The following MAP3K19 variants were observed in gnomAD, a reference collection of about 807,000 sequenced individuals.
The protein encoded by MAP3K19 is SPS1/STE20-related protein kinase YSK4.
In MAP3K19, 91 loss-of-function variants were observed where a neutral mutation model predicts 114.4. The observed-to-expected ratio is 0.80, with a 90% CI of 0.67 to 0.95. The LOEUF is 0.95. MAP3K19 is among the 40% of genes least tolerant of loss of function. MAP3K19 has a pLI of 0.00. For missense variants in MAP3K19, 1,471 were observed against 1,573.2 expected, an observed-to-expected ratio of 0.94 and a Z score of 1.10; for synonymous variants, 518 against 530.5, an observed-to-expected ratio of 0.98 and a Z score of 0.32.
In MAP3K19 at chr2:134,987,759, CTTTCTTGATGAAAGA is replaced by C; in HGVS notation, c.1098_1112del (p.Tyr366_Lys371delinsTer). 1 of 1,608,746 alleles carries C rather than the reference CTTTCTTGATGAAAGA, an allele frequency of 6.2e-7. No homozygotes were observed. The highest frequency in any genetic ancestry group is 8.5e-7 in the Non-Finnish European group (1 of 1,179,974). The stretch of plus-strand genomic sequence containing the variant: ...AGTTTTTGGCTACTGAACTCTCATT[CTTTCTTGATGAAAGA>C]TATTGAGAGTTCTCTTCTTCAGGTT... On this transcript the variant is annotated stop_gained and inframe_deletion, in exon 10 of 13. Coordinates refer to ENST00000392915, the MANE Select transcript of MAP3K19 (RefSeq NM_025052.5). LOFTEE classifies it high-confidence loss of function.
At chr2:135,024,916 T>A (rs1378511869) in intron 3 of MAP3K19, among the ~76,000 whole-genome samples, 175 bp from the exon 4 acceptor site, 1 of 152,210 alleles carries the variant, frequency 6.6e-6, no homozygotes, top group Non-Finnish European at 1.5e-5. Flanking sequence ...TTACAAGATT[T>A]TAAATAAAAG....
chr2:134,977,049 A>G (rs1684286851), intron 12 of MAP3K19, among the ~76,000 whole-genome samples: 1 of 144,102 alleles, frequency 6.9e-6, no homozygotes, highest in Non-Finnish European at 1.5e-5. Context: ...CCGTCTCGGA[A>G]AAAAAAAAAA....
At chr2:135,010,611 A>G (rs1687152042) in intron 5 of MAP3K19, among the ~76,000 whole-genome samples, 1 of 152,158 alleles carries the variant, frequency 6.6e-6, no homozygotes, top group Admixed American at 6.5e-5. Context: ...TGGAAATCAG[A>G]CGTGATTAAA....
chr2:134,967,404 A>AG (rs1351785208), intron 12 of MAP3K19, among the ~76,000 whole-genome samples: 1 of 152,232 alleles, frequency 6.6e-6, no homozygotes, highest in Non-Finnish European at 1.5e-5. Flanking sequence ...AGAGAGAGGA[A>AG]GGCCGCTGCA....
intron 5 of MAP3K19, among the ~76,000 whole-genome samples, chr2:135,006,203 T>G (rs1686798044): frequency 6.6e-6 from 1 of 152,264 alleles, no homozygotes; most frequent in African/African-American, 2.4e-5. Context: ...ATAGTTTCCT[T>G]CATTCGAAGT....
intron 9 of MAP3K19, among the ~76,000 whole-genome samples, chr2:134,989,824 G>A (rs1387840591): frequency 6.6e-6 from 1 of 152,110 alleles, no homozygotes; most frequent in East Asian, 1.9e-4. Context: ...GCTCACACCT[G>A]TAATCCCAGC....
At position 134,999,342 on chromosome 2, in the gene MAP3K19, T is replaced by C. The variant is rs539268530; in HGVS notation, c.315-345A>G. 6.6e-6 allele frequency among the ~76,000 whole-genome samples: 1 copy of C among 152,354 alleles called. No individual in the cohort carries two copies. The highest frequency in any genetic ancestry group is 2.1e-4 in the South Asian group (1 of 4,830). ...GACTAGCCCAGTGTTTCTCAAACTA[T>C]TTTTGATGAAGAACCAGCATTTAAA... On this transcript the variant is annotated intron_variant, in intron 7 of 12. Coordinates refer to ENST00000392915, the MANE Select transcript of MAP3K19 (RefSeq NM_025052.5). The surrounding 1 kb of genome is among the most constrained non-coding windows in gnomAD (Gnocchi z 4.1).
At chr2:135,023,616 T>C in intron 4 of MAP3K19, 1 of 494,448 alleles carries the variant, frequency 2.0e-6, no homozygotes. Flanking sequence ...GTTGTCTCTG[T>C]GTCTCCGCTG....
intron 3 of MAP3K19, among the ~76,000 whole-genome samples, chr2:135,027,328 A>G (rs1688278666): frequency 7.7e-6 from 1 of 129,244 alleles, no homozygotes. Context: ...AGACAGAGAA[A>G]TAAAGAAAGA....
chr2:135,042,761 T>C (rs1472909675), intron 1 of MAP3K19, among the ~76,000 whole-genome samples: 1 of 151,596 alleles, frequency 6.6e-6, no homozygotes, highest in South Asian at 2.1e-4. Flanking sequence ...AAGATTATTA[T>C]GATGCAGAGG....
In MAP3K19 at chr2:134,997,820, A is replaced by AAAAAAACAAAAAAAAC. The variant is rs1553542177; in HGVS notation, c.574+917_574+918insGTTTTTTTTGTTTTTT. Among the ~76,000 whole-genome samples the AAAAAAACAAAAAAAAC allele has an allele frequency of 1.2e-4, 18 of 148,492 alleles. 1 individual carries two copies. In the East Asian group the frequency reaches 4.1e-3, roughly 34 times the overall value. On this transcript the variant is annotated intron_variant, in intron 8 of 12. Transcript: ENST00000392915. The stretch of plus-strand genomic sequence containing the variant: ...GTGACAGAGCGAGACTCCGTCTCAA[A>AAAAAAACAAAAAAAAC]AAAAAAAAAACTTTAAGCACTGCTT...
In MAP3K19 at chr2:134,964,873, A is replaced by C; in HGVS notation, c.3964T>G (p.Ser1322Ala). ...ATTCAGTGACTTCTCTCCAAGAAGG[A>C]GTGCTTCAGGAGCTGGAGAGCAGAA... ...RPSALQLLKHSFLERSH is the reference protein window; with the variant it reads ...RPSALQLLKHAFLERSH Residue 1322 changes from serine (S) to alanine (A), a missense_variant, in exon 13 of 13, where the codon TCC becomes GCC. Transcript: ENST00000392915. 2 of 1,613,278 alleles carry C rather than the reference A, an allele frequency of 1.2e-6. No homozygotes were observed. Among genetic ancestry groups the C allele is most frequent in the Non-Finnish European group, 1.7e-6 (2 of 1,179,454 alleles).
Position 134,981,446 on chromosome 2 carries a change from A to AT in MAP3K19, c.3294dup (p.Leu1099IlefsTer4), listed in dbSNP as rs1559143893. 6.2e-7 allele frequency: 1 copy of AT among 1,614,166 alleles called. No individual in the cohort carries two copies. The highest frequency in any genetic ancestry group is 1.7e-5 in the Admixed American group (1 of 60,018). ...TTCCGGTATTCCTTTTCAGCAGCTA[A>AT]TTTATTAGAGGTATCCAAAGCCACC... On this transcript the variant is annotated frameshift_variant, in exon 12 of 13. Transcript: ENST00000392915. LOFTEE classifies it high-confidence loss of function.
At chr2:135,044,127 C>A (rs1688695150) in intron 1 of MAP3K19, among the ~76,000 whole-genome samples, 1 of 152,256 alleles carries the variant, frequency 6.6e-6, no homozygotes, top group African/African-American at 2.4e-5. Context: ...ATGCTTGCTA[C>A]GTGTCATATG....
rs759961297 is a variant in MAP3K19, at chr2:134,980,867, G to A, written c.3874C>T (p.His1292Tyr). 1.9e-6 allele frequency: 3 copies of A among 1,614,174 alleles called. No individual in the cohort carries two copies. The highest frequency in any genetic ancestry group is 2.5e-6 in the Non-Finnish European group (3 of 1,180,020). ...HRGLMPPLPDHFSENAADFVR... is the reference protein window; with the variant it reads ...HRGLMPPLPDYFSENAADFVR... Reference sequence around the variant, plus strand: ...AAGTCTGCTGCATTTTCTGAGAAGTGGTCTGGTAAAGGAGGCATCAGCCCT... The same window carrying A: ...AAGTCTGCTGCATTTTCTGAGAAGTAGTCTGGTAAAGGAGGCATCAGCCCT... The change falls in exon 12 of 13, where the codon CAC becomes TAC. Residue 1292 changes from histidine (H) to tyrosine (Y), a missense_variant. Coordinates refer to ENST00000392915, the MANE Select transcript of MAP3K19 (RefSeq NM_025052.5).
intron 12 of MAP3K19, among the ~76,000 whole-genome samples, chr2:134,978,063 T>A (rs1367798924): frequency 6.6e-5 from 10 of 152,172 alleles, no homozygotes; most frequent in Admixed American, 5.2e-4. Flanking sequence ...CTTCCTCCCT[T>A]CCCTTCTCCA....
chr2:135,002,479 A>G (rs950531713), intron 6 of MAP3K19, among the ~76,000 whole-genome samples: 3 of 152,040 alleles, frequency 2.0e-5, no homozygotes, highest in Non-Finnish European at 2.9e-5. Flanking sequence ...ATAGGAGCAT[A>G]TATCAATGAG....
At chr2:135,029,908 C>T (rs145590352) in intron 3 of MAP3K19, among the ~76,000 whole-genome samples, 1 of 152,216 alleles carries the variant, frequency 6.6e-6, no homozygotes, top group African/African-American at 2.4e-5. Context: ...AAGGCATAGG[C>T]TCTCAGATTC....
At chr2:134,969,339 G>A (rs542765881) in intron 12 of MAP3K19, among the ~76,000 whole-genome samples, 23 of 152,216 alleles carry the variant, frequency 1.5e-4, no homozygotes, top group East Asian at 3.9e-4. Context: ...GAGGGAGACC[G>A]TGGAAAGAGA....
Sources: gnomAD v4.1 joint callset for allele counts (sites outside exome capture counted in the v4.1 genomes callset) on GRCh38, gnomAD v4.1.1 for gene constraint, Gnocchi (gnomAD v3.1) non-coding constraint, MANE v1.5 for transcripts, NCBI Gene and HGNC (gene_info 2026-07-23, HGNC 2026-07-21) for gene names.